Variants in NHSL1 observed in about 807,000 individuals in gnomAD.
NHSL1 encodes NHS like 1, also known as NHS-like protein 1.
In NHSL1, 48 loss-of-function variants were observed where a neutral mutation model predicts 95.0. That is an observed-to-expected ratio of 0.51 (90% CI 0.40 to 0.64). NHSL1 has a LOEUF of 0.64. NHSL1 is among the 30% of genes least tolerant of loss of function. NHSL1 has a pLI of 0.00. For synonymous variants in NHSL1, 783 were observed against 833.9 expected (o/e 0.94, Z 1.05); for missense variants, 1,971 against 2,077.7 (o/e 0.95, Z 1.00).
At chr6:138,444,853 C>T (rs1450011852) in intron 4 of NHSL1, among the ~76,000 whole-genome samples, 1 of 152,112 alleles carries the variant, frequency 6.6e-6, no homozygotes, top group Non-Finnish European at 1.5e-5. Flanking sequence ...TATATGTGAA[C>T]ACACAGATGT....
At chr6:138,587,918 C>T (rs912505178) in intron 1 of NHSL1, among the ~76,000 whole-genome samples, 3 of 152,210 alleles carry the variant, frequency 2.0e-5, no homozygotes, top group Admixed American at 6.5e-5. Flanking sequence ...AGTTACAGAA[C>T]CTTGGGGCCC....
intron 2 of NHSL1, among the ~76,000 whole-genome samples, chr6:138,494,964 C>T (rs1317080691): frequency 1.3e-5 from 2 of 152,068 alleles, no homozygotes; most frequent in Non-Finnish European, 2.9e-5. Flanking sequence ...TAAATTGGGC[C>T]GGGTGCAGTG....
At chr6:138,579,270 T>C in intron 1 of NHSL1, among the ~76,000 whole-genome samples, 1 of 152,214 alleles carries the variant, frequency 6.6e-6, no homozygotes, top group Admixed American at 6.5e-5. Context: ...ATTTAGCCAA[T>C]GTTGGTTGAC....
chr6:138,556,898 C>A (rs928250372), intron 1 of NHSL1, among the ~76,000 whole-genome samples: 1 of 151,848 alleles, frequency 6.6e-6, no homozygotes, highest in African/African-American at 2.4e-5. Context: ...GCAATTTCAA[C>A]CAAATGAAAA....
chr6:138,445,070 A>AATTAAAGCTCAGAGAC (rs1776775396), intron 4 of NHSL1, among the ~76,000 whole-genome samples: 2 of 152,192 alleles, frequency 1.3e-5, no homozygotes, highest in Admixed American at 6.5e-5. Flanking sequence ...GATAGGATAG[A>AATTAAAGCTCAGAGAC]ATTAAAGCTC....
At chr6:138,552,113 C>T (rs910275140) in intron 1 of NHSL1, among the ~76,000 whole-genome samples, 4 of 152,152 alleles carry the variant, frequency 2.6e-5, no homozygotes, top group East Asian at 1.9e-4. Flanking sequence ...TGCTCTAATT[C>T]GCCATTTAAA....
intron 5 of NHSL1, among the ~76,000 whole-genome samples, chr6:138,437,345 C>T (rs58335205): frequency 1.8e-4 from 17 of 96,396 alleles, no homozygotes; most frequent in African/African-American, 6.3e-4. Context: ...TATATATACA[C>T]ATATATATAT....
At chr6:138,679,061 G>A (rs1183851203) in intron 1 of NHSL1, among the ~76,000 whole-genome samples, 1 of 152,112 alleles carries the variant, frequency 6.6e-6, no homozygotes, top group African/African-American at 2.4e-5. Flanking sequence ...AGAATAAGAG[G>A]AGCAGCAGAT....
intron 1 of NHSL1, among the ~76,000 whole-genome samples, chr6:138,541,217 A>G (rs1562359200): frequency 6.6e-6 from 1 of 152,068 alleles, no homozygotes; most frequent in Non-Finnish European, 1.5e-5. Flanking sequence ...AAATACAAAA[A>G]TTAGCCGGAC....
rs143297188 is a variant in NHSL1 at position 138,465,315 on chromosome 6, T to TCCAC, written c.339+7990_339+7991insGTGG. On this transcript the variant is annotated intron_variant, in intron 3 of 7. Coordinates refer to ENST00000343505, the MANE Select transcript of NHSL1 (RefSeq NM_001144060.2). ...TAATGCCTTAAAGGGGTGTGATGCA[T>TCCAC]CCAAAGAAACACAGCAAGTGGCAGA... is the stretch of plus-strand genomic sequence containing the variant. 9.8e-3 allele frequency among the ~76,000 whole-genome samples: 1,490 copies of TCCAC among 152,272 alleles called. 27 individuals are homozygous for TCCAC. The highest frequency in any genetic ancestry group is 0.034 in the African/African-American group (1,425 of 41,558).
chr6:138,682,532 G>C (rs1485909515), intron 1 of NHSL1, among the ~76,000 whole-genome samples: 1 of 152,128 alleles, frequency 6.6e-6, no homozygotes, highest in Admixed American at 6.5e-5. Context: ...TTATTATTTA[G>C]TTATATATCT....
At chr6:138,572,148 G>A (rs1400645578) in exon 1 of NHSL1, 1 of 445,336 alleles carries the variant, frequency 2.2e-6, no homozygotes. Context: ...TGTGGACTCC[G>A]TTTCTAGATC....
At chr6:138,690,497 T>A (rs994728432) in intron 1 of NHSL1, among the ~76,000 whole-genome samples, 9 of 151,968 alleles carry the variant, frequency 5.9e-5, no homozygotes, top group African/African-American at 1.9e-4. Context: ...TCCCAGCACT[T>A]TGGGAGGTCG....
intron 1 of NHSL1, among the ~76,000 whole-genome samples, chr6:138,592,416 TG>T (rs1241889846): frequency 6.6e-6 from 1 of 152,058 alleles, no homozygotes; most frequent in Non-Finnish European, 1.5e-5. Flanking sequence ...CTGGCCAGCA[TG>T]GGGAAACCCC....
chr6:138,443,254 A>G (rs1490959027), intron 4 of NHSL1, among the ~76,000 whole-genome samples: 1 of 152,240 alleles, frequency 6.6e-6, no homozygotes, highest in Non-Finnish European at 1.5e-5. Context: ...CTGAATGATC[A>G]AAACACATTT....
chr6:138,637,359 C>A (rs1280211403), intron 1 of NHSL1, among the ~76,000 whole-genome samples: 3 of 152,110 alleles, frequency 2.0e-5, no homozygotes, highest in Non-Finnish European at 4.4e-5. Context: ...AGCAATACCC[C>A]ACAAGCATAG....
At chr6:138,613,702 G>A (rs1313411246) in intron 1 of NHSL1, among the ~76,000 whole-genome samples, 1 of 152,138 alleles carries the variant, frequency 6.6e-6, no homozygotes, top group Non-Finnish European at 1.5e-5. Flanking sequence ...TTCCCCCAAA[G>A]CACCCTGGAA....
At chr6:138,579,431 G>A (rs998139537) in intron 1 of NHSL1, among the ~76,000 whole-genome samples, 1 of 152,116 alleles carries the variant, frequency 6.6e-6, no homozygotes, top group Non-Finnish European at 1.5e-5. Flanking sequence ...GTATAAACTG[G>A]CAAAAAGTAT....
In NHSL1 at chr6:138,422,761, A is replaced by G. The variant is rs1453073598; in HGVS notation, c.*1320T>C. ...GAAGTAATTAGCAACTCAATTATTT[A>G]TAAACAAATATAAAAATGCACAAAC... On this transcript the variant is annotated 3_prime_UTR_variant, in exon 8 of 8. Coordinates refer to ENST00000343505, the MANE Select transcript of NHSL1 (RefSeq NM_001144060.2). 1 of 152,226 alleles carries G rather than the reference A, an allele frequency of 6.6e-6. No individual in the cohort carries two copies. The highest frequency in any genetic ancestry group is 2.4e-5 in the African/African-American group (1 of 41,460). The allele number at this position is 152,226 out of a possible 1,614,324, so 9.4% of individuals were successfully genotyped here.
Sources: allele counts gnomAD v4.1 joint callset (sites outside exome capture counted in the v4.1 genomes callset), GRCh38; gene constraint gnomAD v4.1.1; transcripts MANE v1.5; gene names NCBI Gene and HGNC (gene_info 2026-07-23, HGNC 2026-07-21).